SPOCK3: variants seen among roughly 807,000 people sequenced by gnomAD.
SPOCK3 encodes the protein SPARC (osteonectin), cwcv and kazal like domains proteoglycan 3.
A neutral mutation model predicts 56.6 loss-of-function variants in SPOCK3; 30 were observed. The observed-to-expected ratio is 0.53, with a 90% CI of 0.40 to 0.72. The LOEUF (loss-of-function observed/expected upper bound fraction) is 0.72. Among genes scored for constraint, SPOCK3 ranks in the 30% least tolerant of loss-of-function variants. SPOCK3 has a pLI of 0.00. For missense variants in SPOCK3, 527 were observed against 530.0 expected (o/e 0.99, Z 0.06); for synonymous variants, 196 against 183.3 (o/e 1.07, Z -0.56).
At chr4:166,947,239 T>C (rs1212795141) in intron 4 of SPOCK3, among the ~76,000 whole-genome samples, 1 of 152,168 alleles carries the variant, frequency 6.6e-6, no homozygotes, top group Non-Finnish European at 1.5e-5. Context: ...AACAGCCCCA[T>C]GCTTTGTTCT....
chr4:166,742,806 A>G (rs1275901027), intron 8 of SPOCK3, among the ~76,000 whole-genome samples: 2 of 152,186 alleles, frequency 1.3e-5, no homozygotes, highest in Non-Finnish European at 2.9e-5. Flanking sequence ...ACGTTCGTAG[A>G]GAAATGTAAA....
chr4:166,952,763 C>T (rs1190118126), intron 4 of SPOCK3, among the ~76,000 whole-genome samples: 3 of 152,032 alleles, frequency 2.0e-5, no homozygotes, highest in Admixed American at 6.6e-5. Flanking sequence ...AGAACAGAGC[C>T]CTCAGAAATG....
chr4:167,154,207 C>T (rs576877727), intron 2 of SPOCK3, among the ~76,000 whole-genome samples: 2 of 152,090 alleles, frequency 1.3e-5, no homozygotes, highest in South Asian at 2.1e-4. Flanking sequence ...CACATACACA[C>T]ACATGCACGC....
intron 7 of SPOCK3, among the ~76,000 whole-genome samples, chr4:166,765,380 G>C (rs566748318): frequency 1.4e-4 from 22 of 152,252 alleles, no homozygotes; most frequent in South Asian, 1.0e-3. Flanking sequence ...ATAAGGAAGG[G>C]ATCCAGTTTC....
chr4:166,771,462 A>G (rs925632999), intron 7 of SPOCK3, among the ~76,000 whole-genome samples: 6 of 152,066 alleles, frequency 3.9e-5, no homozygotes, highest in Non-Finnish European at 8.8e-5. Flanking sequence ...TTAAAAACAA[A>G]CAAAGCAAGG....
intron 4 of SPOCK3, among the ~76,000 whole-genome samples, chr4:166,917,321 C>T (rs533048281): frequency 1.1e-4 from 16 of 152,042 alleles, no homozygotes; most frequent in African/African-American, 3.9e-4. Context: ...GAATAAAATG[C>T]CAATTTATGC....
intron 7 of SPOCK3, among the ~76,000 whole-genome samples, chr4:166,767,890 A>G (rs9685077): frequency 2.0e-5 from 3 of 152,058 alleles, no homozygotes; most frequent in Middle Eastern, 3.2e-3. Flanking sequence ...GGGTGCATAC[A>G]TATTTAAGAT....
chr4:166,868,893 C>G (rs1732160054), intron 6 of SPOCK3, among the ~76,000 whole-genome samples: 1 of 151,968 alleles, frequency 6.6e-6, no homozygotes, highest in Non-Finnish European at 1.5e-5. Context: ...CTATGATGTA[C>G]TAGCATGATT....
At chr4:167,231,284 C>G (rs1737154345) in intron 2 of SPOCK3, among the ~76,000 whole-genome samples, 1 of 151,820 alleles carries the variant, frequency 6.6e-6, no homozygotes. Flanking sequence ...ACTTGTTAAA[C>G]AGTGCTGATT....
intron 3 of SPOCK3, among the ~76,000 whole-genome samples, chr4:167,027,436 T>A (rs1052521945): frequency 6.6e-6 from 1 of 152,002 alleles, no homozygotes; most frequent in Non-Finnish European, 1.5e-5. Flanking sequence ...GCATTTTGTT[T>A]GGGGATTTTC....
intron 2 of SPOCK3, among the ~76,000 whole-genome samples, chr4:167,161,551 A>G (rs1202320809): frequency 1.3e-5 from 2 of 152,184 alleles, no homozygotes; most frequent in Non-Finnish European, 2.9e-5. Context: ...TATATACCCA[A>G]AGGATTATAA....
At chr4:166,869,933 G>C (rs966902330) in intron 6 of SPOCK3, among the ~76,000 whole-genome samples, 1 of 151,996 alleles carries the variant, frequency 6.6e-6, no homozygotes, top group Admixed American at 6.6e-5. Context: ...GTGTGATCCA[G>C]CTTGAAACTG....
At chr4:166,923,632 T>A (rs1316582932) in intron 4 of SPOCK3, among the ~76,000 whole-genome samples, 1 of 152,190 alleles carries the variant, frequency 6.6e-6, no homozygotes, top group Non-Finnish European at 1.5e-5. Flanking sequence ...GACTCATACA[T>A]TGCCCATTAG....
chr4:167,148,074 G>T (rs559437190), intron 2 of SPOCK3, among the ~76,000 whole-genome samples: 7 of 152,130 alleles, frequency 4.6e-5, no homozygotes, highest in Non-Finnish European at 8.8e-5. Flanking sequence ...GAAATTAGGA[G>T]TTCCACTGCA....
intron 3 of SPOCK3, among the ~76,000 whole-genome samples, chr4:167,012,954 A>C (rs1579994251): frequency 6.6e-6 from 1 of 151,948 alleles, no homozygotes; most frequent in African/African-American, 2.4e-5. Flanking sequence ...AATACTTGAT[A>C]GTTAATTAGA....
chr4:166,778,847 TG>T (rs1739858855), intron 7 of SPOCK3, among the ~76,000 whole-genome samples: 1 of 152,014 alleles, frequency 6.6e-6, no homozygotes, highest in Admixed American at 6.6e-5. Context: ...TTTTTTAAGT[TG>T]GGGGTAGGCA....
intron 2 of SPOCK3, among the ~76,000 whole-genome samples, chr4:167,170,593 G>A (rs1051620824): frequency 1.3e-5 from 2 of 152,096 alleles, no homozygotes; most frequent in African/African-American, 4.8e-5. Context: ...GCACACACGA[G>A]TCATAATATC....
chr4:166,791,464 G>A (rs781100810), intron 7 of SPOCK3, among the ~76,000 whole-genome samples: 4 of 152,088 alleles, frequency 2.6e-5, no homozygotes, highest in African/African-American at 7.2e-5. Flanking sequence ...TGGAGCACAT[G>A]CTTCAATCTT....
intron 5 of SPOCK3, among the ~76,000 whole-genome samples, chr4:166,909,486 T>C (rs1360421235): frequency 6.6e-6 from 1 of 152,002 alleles, no homozygotes; most frequent in Non-Finnish European, 1.5e-5. Context: ...ACATTGTGGG[T>C]CTAAAATAGA....
Sources: gnomAD v4.1 joint callset for allele counts (sites outside exome capture counted in the v4.1 genomes callset) on GRCh38, gnomAD v4.1.1 for gene constraint, MANE v1.5 for transcripts, NCBI Gene and HGNC (gene_info 2026-07-23, HGNC 2026-07-21) for gene names.